The following RUNX1T1 variants were observed in gnomAD, a reference collection of about 807,000 sequenced individuals.
RUNX1T1 encodes the protein protein CBFA2T1.
In RUNX1T1, 4 loss-of-function variants were observed where a neutral mutation model predicts 62.8. That is an observed-to-expected ratio of 0.06 (90% CI 0.03 to 0.15). RUNX1T1 has a LOEUF of 0.15. Among genes scored for constraint, RUNX1T1 ranks in the 10% least tolerant of loss-of-function variants. The pLI is 1.00. For missense variants in RUNX1T1, 508 were observed against 754.3 expected (o/e 0.67, Z 3.82); for synonymous variants, 291 against 286.0 (o/e 1.02, Z -0.18).
chr8:92,064,677 C>T (rs1832600028), upstream of RUNX1T1, among the ~76,000 whole-genome samples: 1 of 152,020 alleles, frequency 6.6e-6, no homozygotes, highest in Non-Finnish European at 1.5e-5. Flanking sequence ...AGTGGGAAAC[C>T]CAACCTTTCA....
At chr8:91,993,191 T>A (rs923359135) in intron 5 of RUNX1T1, among the ~76,000 whole-genome samples, 11 of 152,176 alleles carry the variant, frequency 7.2e-5, no homozygotes, top group African/African-American at 2.4e-4. Context: ...TTTCCCGGCA[T>A]CTAGTGATGG....
intron 1 of RUNX1T1, among the ~76,000 whole-genome samples, chr8:92,086,378 T>C (rs1254166572): frequency 3.9e-5 from 6 of 152,170 alleles, no homozygotes; most frequent in Admixed American, 2.6e-4. Context: ...CCTGACCACT[T>C]TGCATTCTCC....
At chr8:92,050,298 T>TTCA (rs1171836570) in intron 1 of RUNX1T1, among the ~76,000 whole-genome samples, 6 of 152,344 alleles carry the variant, frequency 3.9e-5, no homozygotes, top group Admixed American at 3.9e-4. Context: ...TGTTAAGTGC[T>TTCA]ACTATCATGG....
chr8:92,102,156 G>C (rs1838066593), upstream of RUNX1T1, among the ~76,000 whole-genome samples: 2 of 152,226 alleles, frequency 1.3e-5, no homozygotes, highest in Non-Finnish European at 2.9e-5. This position sits in a 1 kb window ranked among gnomAD's most constrained non-coding sequence, Gnocchi z 4.5. Flanking sequence ...TCTCCCCATC[G>C]GCCCCTGACT....
upstream of RUNX1T1, among the ~76,000 whole-genome samples, chr8:92,067,855 T>C (rs1833100502): frequency 6.6e-6 from 1 of 152,238 alleles, no homozygotes; most frequent in Non-Finnish European, 1.5e-5. Context: ...CAATATATTG[T>C]AGTTCATTTC....
intron 6 of RUNX1T1, among the ~76,000 whole-genome samples, chr8:91,990,365 G>A (rs1025042850): frequency 3.3e-5 from 5 of 152,246 alleles, no homozygotes; most frequent in Admixed American, 2.0e-4. Flanking sequence ...CCAGCAATTA[G>A]TTACAAGGTA....
In RUNX1T1 at chr8:91,975,890, T is replaced by C; in HGVS notation, c.1267+15A>G. 8 of 1,590,042 alleles carry C rather than the reference T, an allele frequency of 5.0e-6. No individual in the cohort carries two copies. Among genetic ancestry groups the C allele is most frequent in the Non-Finnish European group, 6.9e-6 (8 of 1,158,100 alleles). ...CTGCCAGAACACGAAACTCATGTTT[T>C]TAAACAATTCTTACCAGCTTTCTTC... On this transcript the variant is annotated intron_variant, in intron 9 of 10. Coordinates refer to ENST00000396218, the Ensembl canonical transcript of RUNX1T1.
chr8:92,093,327 ACT>A (rs891978447), intron 1 of RUNX1T1, among the ~76,000 whole-genome samples: 2 of 150,710 alleles, frequency 1.3e-5, no homozygotes, highest in Non-Finnish European at 3.0e-5. Flanking sequence ...TTTCATATTC[ACT>A]CTCTGTATGG....
intron 1 of RUNX1T1, among the ~76,000 whole-genome samples, chr8:92,026,175 A>T (rs1825112369): frequency 6.6e-6 from 1 of 152,138 alleles, no homozygotes; most frequent in Non-Finnish European, 1.5e-5. Context: ...TAATGGGCAT[A>T]TTTTACATTT....
intron 8 of RUNX1T1, among the ~76,000 whole-genome samples, chr8:91,977,806 T>C (rs1814311753): frequency 7.0e-6 from 1 of 142,104 alleles, no homozygotes; most frequent in African/African-American, 3.1e-5. Context: ...TTTTCTTTTT[T>C]TGAGACGGAG....
intron 5 of RUNX1T1, among the ~76,000 whole-genome samples, chr8:91,997,800 G>A (rs1818989311): frequency 6.6e-6 from 1 of 152,130 alleles, no homozygotes; most frequent in Non-Finnish European, 1.5e-5. Context: ...CCACAGCCCA[G>A]CCAAGTCCCA....
At chr8:92,000,326 A>G (rs1161093169) in intron 5 of RUNX1T1, among the ~76,000 whole-genome samples, 1 of 152,140 alleles carries the variant, frequency 6.6e-6, no homozygotes, top group Non-Finnish European at 1.5e-5. Context: ...ATAAAAATAA[A>G]TAAATGTAAT....
intron 1 of RUNX1T1, among the ~76,000 whole-genome samples, chr8:92,059,652 T>C (rs1831588587): frequency 6.6e-6 from 1 of 152,210 alleles, no homozygotes; most frequent in Non-Finnish European, 1.5e-5. Flanking sequence ...GCAGGGACCT[T>C]CTTAAAGCTA....
At chr8:92,011,816 C>T (rs1404965497) in intron 3 of RUNX1T1, among the ~76,000 whole-genome samples, 1 of 152,136 alleles carries the variant, frequency 6.6e-6, no homozygotes, top group African/African-American at 2.4e-5. Context: ...AAAAAACAAG[C>T]CCCAAATACT....
chr8:92,048,626 T>C (rs957329207), intron 1 of RUNX1T1, among the ~76,000 whole-genome samples: 54 of 152,106 alleles, frequency 3.6e-4, no homozygotes, highest in African/African-American at 1.2e-3. Context: ...GACAGAACCA[T>C]ATATTTGACA....
At chr8:92,062,956 T>C in exon 1 of RUNX1T1, 1 of 1,250,114 alleles carries the variant, frequency 8.0e-7, no homozygotes, top group Non-Finnish European at 1.0e-6. Flanking sequence ...TGCCGAATAA[T>C]TTATTCACCA....
chr8:92,072,483 A>G (rs1218378627), intron 2 of RUNX1T1, among the ~76,000 whole-genome samples: 2 of 151,962 alleles, frequency 1.3e-5, no homozygotes, highest in Non-Finnish European at 2.9e-5. Context: ...TATAAATGAT[A>G]TACTCTTCTT....
intron 1 of RUNX1T1, among the ~76,000 whole-genome samples, chr8:92,082,919 G>A (rs1257175442): frequency 6.6e-6 from 1 of 152,114 alleles, no homozygotes; most frequent in Non-Finnish European, 1.5e-5. Flanking sequence ...GGGAGAGAAG[G>A]AAGAGGGAGA....
chr8:92,102,999 C>G (rs1437878876), upstream of RUNX1T1: 2 of 1,125,836 alleles, frequency 1.8e-6, no homozygotes, highest in African/African-American at 1.6e-5. The surrounding 1 kb of genome is among the most constrained non-coding windows in gnomAD (Gnocchi z 4.5). Flanking sequence ...TCCGCGGCCA[C>G]TCGCCCACGC....
Sources: allele counts gnomAD v4.1 joint callset (sites outside exome capture counted in the v4.1 genomes callset), GRCh38; gene constraint gnomAD v4.1.1; non-coding constraint Gnocchi (gnomAD v3.1); transcripts MANE v1.5; gene names NCBI Gene and HGNC (gene_info 2026-07-23, HGNC 2026-07-21).